Variants in CD38 observed in about 807,000 individuals in gnomAD.
CD38 encodes the protein CD38 molecule, also known as ADP-ribosyl cyclase/cyclic ADP-ribose hydrolase 1.
A neutral mutation model predicts 36.3 loss-of-function variants in CD38; 31 were observed. The ratio of observed to expected loss-of-function variants is 0.85; its 90% CI spans 0.64 to 1.15. CD38 has a LOEUF of 1.15. Ranked by LOEUF, CD38 falls within the 50% of genes most tolerant of loss-of-function variation. The probability of loss-of-function intolerance (pLI) is 0.00; values close to 1 mark genes in which losing one functional copy is unlikely to be tolerated. For synonymous variants in CD38, 131 were observed against 135.2 expected (o/e 0.97, Z 0.22); for missense variants, 380 against 371.9 (o/e 1.02, Z -0.18).
intron 1 of CD38, among the ~76,000 whole-genome samples, chr4:15,806,968 A>G (rs1202487388): frequency 1.3e-5 from 2 of 152,176 alleles, no homozygotes; most frequent in African/African-American, 4.8e-5. Context: ...CAATTGTCAT[A>G]ATCCCTTTGA....
At chr4:15,812,582 C>T (rs1425771080) in intron 1 of CD38, among the ~76,000 whole-genome samples, 1 of 152,162 alleles carries the variant, frequency 6.6e-6, no homozygotes, top group Non-Finnish European at 1.5e-5. Context: ...TGCCTGTAAT[C>T]CCAGCTACTC....
intron 1 of CD38, among the ~76,000 whole-genome samples, chr4:15,791,246 A>C (rs1306388720): frequency 5.5e-5 from 2 of 36,158 alleles, no homozygotes; most frequent in South Asian, 1.5e-3. Flanking sequence ...GGCCGCCCGT[A>C]CTGGGAAGTG....
At position 15,786,700 on chromosome 4, in the gene CD38, C is replaced by G. The variant is rs6852944; in HGVS notation, c.233+8053C>G. 2.7e-3 allele frequency among the ~76,000 whole-genome samples: 413 copies of G among 152,326 alleles called. 4 individuals carry two copies. Among genetic ancestry groups the G allele is most frequent in the African/African-American group, 9.5e-3 (395 of 41,550 alleles). ...GCCGATTGTGCACCAAGTCAGCAGGCGGAGCTGCCTGCCAGTCACCTGCTA... is the reference window on the plus strand; with the variant it reads ...GCCGATTGTGCACCAAGTCAGCAGGGGGAGCTGCCTGCCAGTCACCTGCTA... On this transcript the variant is annotated intron_variant, in intron 1 of 7. Transcript: ENST00000226279.
intron 1 of CD38, among the ~76,000 whole-genome samples, chr4:15,793,427 T>A (rs1455387296): frequency 1.3e-5 from 2 of 152,126 alleles, no homozygotes; most frequent in African/African-American, 4.8e-5. Flanking sequence ...TCAATGACAT[T>A]AATATAATTA....
chr4:15,787,447 T>C (rs1722863170), intron 1 of CD38, among the ~76,000 whole-genome samples: 1 of 152,170 alleles, frequency 6.6e-6, no homozygotes, highest in Non-Finnish European at 1.5e-5. Flanking sequence ...TGGTGTTTGG[T>C]TGCTATTTAA....
intron 3 of CD38, 116 bp from the exon 4 acceptor site, chr4:15,834,101 G>A (rs548582199): frequency 1.5e-5 from 10 of 681,520 alleles, no homozygotes; most frequent in African/African-American, 3.6e-5. Flanking sequence ...TCCAGCCTCC[G>A]TCTTGGCAGT....
At chr4:15,790,796 G>C (rs1016901463) in intron 1 of CD38, among the ~76,000 whole-genome samples, 1 of 140,892 alleles carries the variant, frequency 7.1e-6, no homozygotes, top group Admixed American at 6.9e-5. Flanking sequence ...GCCGCCCATC[G>C]TCTGAGATGT....
At chr4:15,821,941 C>T (rs1723745568) in intron 2 of CD38, among the ~76,000 whole-genome samples, 1 of 151,908 alleles carries the variant, frequency 6.6e-6, no homozygotes, top group Admixed American at 6.6e-5. Context: ...CAAAAATTCT[C>T]AACAAAATAC....
rs1273334473 is a variant in CD38 at position 15,847,506 on chromosome 4, A to G, written c.840-1033A>G. On this transcript the variant is annotated intron_variant, in intron 7 of 7. Transcript: ENST00000226279. ...GCGCACCAGCATGGCACATGTATAC[A>G]TATGTAACTAACCTGCACAATGTGC... Among the ~76,000 whole-genome samples, 49 of 108,734 alleles carry G rather than the reference A, an allele frequency of 4.5e-4. 2 individuals are homozygous for G. The highest frequency in any genetic ancestry group is 1.9e-3 in the African/African-American group (47 of 25,212). 71.3% of individuals were successfully genotyped at this position (108,734 alleles called of 152,430 possible).
Position 15,816,655 on chromosome 4 carries a change from G to C in CD38, c.363+15G>C, listed in dbSNP as rs753306894. On this transcript the variant is annotated intron_variant, in intron 2 of 7. Transcript: ENST00000226279. ...CTTGCAACAAGGTAATTGGGGGCAT[G>C]CCATTGATTTTAAAACTGGGGATAA... is the stretch of plus-strand genomic sequence containing the variant. 23 of 1,612,688 alleles carry C rather than the reference G, an allele frequency of 1.4e-5. No homozygotes were observed. The highest frequency in any genetic ancestry group is 2.7e-5 in the African/African-American group (2 of 74,882).
intron 2 of CD38, among the ~76,000 whole-genome samples, chr4:15,822,756 G>A (rs549835344): frequency 9.5e-4 from 144 of 152,250 alleles, no homozygotes; most frequent in South Asian, 1.9e-3. Flanking sequence ...TGGCCATACT[G>A]CCCAAGGTAA....
chr4:15,826,716 G>C (rs1577655093), intron 3 of CD38, among the ~76,000 whole-genome samples: 1 of 151,174 alleles, frequency 6.6e-6, no homozygotes, highest in Admixed American at 6.6e-5. Context: ...GAACGGCCTG[G>C]GCAACATAGT....
At chr4:15,826,631 C>G (rs1374294702) in intron 3 of CD38, among the ~76,000 whole-genome samples, 2 of 152,014 alleles carry the variant, frequency 1.3e-5, no homozygotes, top group Non-Finnish European at 2.9e-5. Context: ...TGAGGCCAGG[C>G]ACAGTGGCTC....
chr4:15,804,129 T>TC (rs1553873319), intron 1 of CD38, among the ~76,000 whole-genome samples: 1 of 152,206 alleles, frequency 6.6e-6, no homozygotes, highest in Non-Finnish European at 1.5e-5. Flanking sequence ...TAAGTGCATG[T>TC]CTTTTTTTTG....
chr4:15,790,361 G>A (rs1285788414), intron 1 of CD38, among the ~76,000 whole-genome samples: 40 of 151,272 alleles, frequency 2.6e-4, no homozygotes, highest in Admixed American at 4.6e-4. Flanking sequence ...TTTTTTTGGT[G>A]GAGACGGGGT....
At chr4:15,790,348 T>G (rs1469894303) in intron 1 of CD38, among the ~76,000 whole-genome samples, 19 of 151,834 alleles carry the variant, frequency 1.3e-4, no homozygotes, top group Non-Finnish European at 5.9e-5. Flanking sequence ...GGTTTTCGTT[T>G]TTTTTTTTTG....
At position 15,799,231 on chromosome 4, in the gene CD38, T is replaced by C. The variant is rs193159712; in HGVS notation, c.234-17280T>C. Among the ~76,000 whole-genome samples, 124 of 152,334 alleles carry C rather than the reference T, an allele frequency of 8.1e-4. 2 individuals carry two copies. In the South Asian group the frequency reaches 0.011, roughly 13 times the overall value. On this transcript the variant is annotated intron_variant, in intron 1 of 7. Coordinates refer to ENST00000226279, the MANE Select transcript of CD38 (RefSeq NM_001775.4). The stretch of plus-strand genomic sequence containing the variant: ...CCCATTTCATTTTTCCCCAGATGGA[T>C]AGTCAGTTGTGTAAGTGCTGTTTAT...
intron 1 of CD38, among the ~76,000 whole-genome samples, chr4:15,805,302 G>A (rs1462552527): frequency 6.6e-6 from 1 of 150,708 alleles, no homozygotes; most frequent in Non-Finnish European, 1.5e-5. Flanking sequence ...TATTCCTTCT[G>A]CCTAGAATGT....
Position 15,834,275 on chromosome 4 carries a change from A to C in CD38, c.558A>C (p.Ser186=). 1 of 1,612,790 alleles carries C rather than the reference A, an allele frequency of 6.2e-7. No individual in the cohort carries two copies. Among genetic ancestry groups the C allele is most frequent in the East Asian group, 2.2e-5 (1 of 44,874 alleles). The change falls in exon 4 of 8, where the codon TCA becomes TCC. Residue 186 remains serine, a synonymous_variant. Transcript: ENST00000226279. The stretch of plus-strand genomic sequence containing the variant: ...AGGACTGCAGCAACAACCCTGTTTC[A>C]GTATTCTGGAAAACGGTTTCCCGCA... The part of the protein sequence containing the change: ...WRKDCSNNPV[S]VFWKTVSRRF...
Sources: gnomAD v4.1 joint callset for allele counts (sites outside exome capture counted in the v4.1 genomes callset) on GRCh38, gnomAD v4.1.1 for gene constraint, MANE v1.5 for transcripts, NCBI Gene and HGNC (gene_info 2026-07-23, HGNC 2026-07-21) for gene names.